Variants in OPN5 observed in about 807,000 individuals in gnomAD.
The protein encoded by OPN5 is opsin 5.
OPN5 carries 18 observed loss-of-function variants against 41.7 expected under a neutral mutation model. The observed-to-expected ratio is 0.43, with a 90% CI of 0.30 to 0.64. The LOEUF (loss-of-function observed/expected upper bound fraction) is 0.64, where lower values mean the gene tolerates loss of function less well. Ranked by LOEUF, OPN5 falls within the 30% of genes least tolerant of loss-of-function variation. The pLI is 0.13. For synonymous variants in OPN5, 178 were observed against 164.3 expected, an observed-to-expected ratio of 1.08 and a Z score of -0.64; for missense variants, 318 against 434.5, an observed-to-expected ratio of 0.73 and a Z score of 2.38.
Position 47,798,360 on chromosome 6 carries a change from T to TA in OPN5, c.756+2797_756+2798insA, listed in dbSNP as rs1773645453. 4.0e-5 allele frequency among the ~76,000 whole-genome samples: 6 copies of TA among 151,864 alleles called. No individual in the cohort carries two copies. In the South Asian group the frequency reaches 1.2e-3, roughly 31 times the overall value. ...ACATATGAGTCAATGCTTTTGAAGG[T>TA]CATTATACATATGAGGTATAGCTCA... On this transcript the variant is annotated intron_variant, in intron 4 of 6. Coordinates refer to ENST00000371211, the Ensembl canonical transcript of OPN5.
chr6:47,821,484 C>A (rs1257565006), intron 6 of OPN5, among the ~76,000 whole-genome samples: 2 of 152,162 alleles, frequency 1.3e-5, no homozygotes, highest in African/African-American at 4.8e-5. Context: ...CAGTATTATT[C>A]TGGAGGCTCT....
At chr6:47,812,578 A>C (rs1762282669) in intron 6 of OPN5, among the ~76,000 whole-genome samples, 1 of 152,156 alleles carries the variant, frequency 6.6e-6, no homozygotes, top group Non-Finnish European at 1.5e-5. Flanking sequence ...TCAAAGACAG[A>C]TTCCTGCCTT....
chr6:47,810,222 G>A (rs561187946), intron 5 of OPN5, among the ~76,000 whole-genome samples: 12 of 152,186 alleles, frequency 7.9e-5, no homozygotes, highest in Non-Finnish European at 1.3e-4. Context: ...AAAAGCAGGC[G>A]GTAGAGCTGA....
chr6:47,787,109 G>C, intron 2 of OPN5: 1 of 981,920 alleles, frequency 1.0e-6, no homozygotes. Flanking sequence ...AGAGGAAAGA[G>C]GTGCCCTGCT....
At chr6:47,819,401 A>T (rs1332177206) in intron 6 of OPN5, among the ~76,000 whole-genome samples, 14 of 108,418 alleles carry the variant, frequency 1.3e-4, no homozygotes, top group South Asian at 3.0e-4. Context: ...TATATATATA[A>T]AACAGTATAA....
At position 47,807,361 on chromosome 6, in the gene OPN5, A is replaced by G. The variant is rs527803391; in HGVS notation, c.757-793A>G. ...TGCTAAAAAGAGTTTGTTGAATTGA[A>G]GTGAGATGATGCATAGGGGTCAGGC... On this transcript the variant is annotated intron_variant, in intron 4 of 6. Transcript: ENST00000371211. Among the ~76,000 whole-genome samples, 5 of 152,300 alleles carry G rather than the reference A, an allele frequency of 3.3e-5. No homozygotes were observed. In the South Asian group the frequency reaches 1.0e-3, roughly 32 times the overall value.
chr6:47,789,512 GA>G (rs1322760217), intron 2 of OPN5, among the ~76,000 whole-genome samples: 1 of 151,148 alleles, frequency 6.6e-6, no homozygotes, highest in Non-Finnish European at 1.5e-5. Flanking sequence ...ACCAGGCATT[GA>G]AAAATTTGTT....
intron 6 of OPN5, among the ~76,000 whole-genome samples, chr6:47,822,375 T>C (rs1285895492): frequency 6.6e-6 from 1 of 152,154 alleles, no homozygotes; most frequent in African/African-American, 2.4e-5. Context: ...GAAATGCCTT[T>C]CCTTATTGAA....
chr6:47,825,612 A>C (rs1256709605), downstream of OPN5: 1 of 152,256 alleles, frequency 6.6e-6, no homozygotes, highest in Admixed American at 6.5e-5. Context: ...TGGTGATTCA[A>C]GTCTCTGTTA....
At chr6:47,787,145 T>C (rs1773217545) in intron 2 of OPN5, 1 of 982,590 alleles carries the variant, frequency 1.0e-6, no homozygotes, top group East Asian at 1.1e-4. Flanking sequence ...CATGACTTAG[T>C]GACATATCAC....
chr6:47,824,405 G>T (rs72866342), exon 7 of OPN5: 8,340 of 221,818 alleles, frequency 0.038, 195 homozygotes, highest in Middle Eastern at 0.083. Context: ...TTGTTCTATT[G>T]CAGATGATGT....
chr6:47,792,671 A>T (rs976062977), intron 3 of OPN5, among the ~76,000 whole-genome samples: 1 of 152,204 alleles, frequency 6.6e-6, no homozygotes, highest in Non-Finnish European at 1.5e-5. Flanking sequence ...AACCTGAAAG[A>T]ATTGCATTTG....
At chr6:47,821,351 G>C (rs2114014915) in intron 6 of OPN5, among the ~76,000 whole-genome samples, 1 of 152,354 alleles carries the variant, frequency 6.6e-6, no homozygotes, top group South Asian at 2.1e-4. Context: ...GGGTGTGGGA[G>C]GGGATGGAAC....
intron 6 of OPN5, among the ~76,000 whole-genome samples, chr6:47,816,397 A>T (rs1479857027): frequency 6.6e-6 from 1 of 152,120 alleles, no homozygotes; most frequent in Non-Finnish European, 1.5e-5. Context: ...TCCCCTGATG[A>T]GGAGAGAAAT....
chr6:47,804,844 G>A (rs1416492389), intron 4 of OPN5, among the ~76,000 whole-genome samples: 1 of 152,114 alleles, frequency 6.6e-6, no homozygotes, highest in Non-Finnish European at 1.5e-5. Context: ...CTTTTAAGAA[G>A]GATAACATAA....
chr6:47,802,528 A>C (rs929339250), intron 4 of OPN5, among the ~76,000 whole-genome samples: 1 of 152,176 alleles, frequency 6.6e-6, no homozygotes, highest in South Asian at 2.1e-4. Context: ...ATGATATCTC[A>C]GTTACCTTCT....
intron 4 of OPN5, among the ~76,000 whole-genome samples, chr6:47,799,074 G>T (rs1773672262): frequency 6.6e-6 from 1 of 151,950 alleles, no homozygotes; most frequent in Admixed American, 6.6e-5. Flanking sequence ...CTAAAAGTTG[G>T]CATTCTGTCT....
chr6:47,803,155 G>T (rs933451964), intron 4 of OPN5, among the ~76,000 whole-genome samples: 2 of 152,074 alleles, frequency 1.3e-5, no homozygotes, highest in Admixed American at 6.6e-5. Context: ...CACACTCAAA[G>T]CTGTCAAATT....
intron 1 of OPN5, among the ~76,000 whole-genome samples, chr6:47,783,565 T>G (rs1332300810): frequency 6.6e-6 from 1 of 152,184 alleles, no homozygotes; most frequent in Admixed American, 6.5e-5. Flanking sequence ...GTAAAGTGAT[T>G]CCCTGGGTCT....
Sources: allele counts gnomAD v4.1 joint callset (sites outside exome capture counted in the v4.1 genomes callset), GRCh38; gene constraint gnomAD v4.1.1; transcripts MANE v1.5; gene names NCBI Gene and HGNC (gene_info 2026-07-23, HGNC 2026-07-21).